Variants in ARHGAP8 observed in about 807,000 individuals in gnomAD.
ARHGAP8 encodes Rho GTPase activating protein 8.
Under a neutral mutation model 46.1 loss-of-function variants are expected in ARHGAP8, and 62 were observed. That is an observed-to-expected ratio of 1.34 (90% CI 1.10 to 1.66). The LOEUF (loss-of-function observed/expected upper bound fraction) is 1.66. ARHGAP8 is among the 40% of genes most tolerant of loss of function. The pLI is 0.00. For synonymous variants in ARHGAP8, 375 were observed against 243.1 expected, an observed-to-expected ratio of 1.54 and a Z score of -5.05; for missense variants, 923 against 568.4, an observed-to-expected ratio of 1.62 and a Z score of -6.34.
chr22:44,783,054 CCCCT>C (rs1056592895), intron 1 of ARHGAP8, among the ~76,000 whole-genome samples: 4 of 150,784 alleles, frequency 2.7e-5, no homozygotes, highest in African/African-American at 7.3e-5. Context: ...TACACACGCT[CCCCT>C]CCCTCCCTCC....
intron 7 of ARHGAP8, among the ~76,000 whole-genome samples, chr22:44,843,270 A>G (rs566652949): frequency 6.6e-5 from 10 of 152,286 alleles, no homozygotes; most frequent in African/African-American, 2.4e-4. Flanking sequence ...AGATAAACCA[A>G]AGCTGAGAGA....
chr22:44,776,672 G>A (rs1466640399), intron 1 of ARHGAP8, among the ~76,000 whole-genome samples: 1 of 152,090 alleles, frequency 6.6e-6, no homozygotes, highest in African/African-American at 2.4e-5. Context: ...AGTTACTGAG[G>A]CTTCACTTGC....
intron 2 of ARHGAP8, among the ~76,000 whole-genome samples, chr22:44,795,963 C>T (rs1177723171): frequency 6.6e-6 from 1 of 152,192 alleles, no homozygotes; most frequent in African/African-American, 2.4e-5. Flanking sequence ...CCTGGGATCC[C>T]TACTCCTTTC....
chr22:44,861,873 C>T (rs1018677970), intron 11 of ARHGAP8, among the ~76,000 whole-genome samples: 3 of 152,192 alleles, frequency 2.0e-5, no homozygotes, highest in Non-Finnish European at 2.9e-5. Context: ...GTAGTGGCCC[C>T]TAGATGTGCT....
intron 2 of ARHGAP8, among the ~76,000 whole-genome samples, chr22:44,787,553 C>T (rs1275011926): frequency 6.6e-6 from 1 of 152,134 alleles, no homozygotes; most frequent in Admixed American, 6.5e-5. Context: ...CCATTTTGGT[C>T]AGGCTGGTCT....
intron 2 of ARHGAP8, among the ~76,000 whole-genome samples, chr22:44,787,048 AAAAG>A (rs1340256732): frequency 1.5e-3 from 119 of 80,730 alleles, no homozygotes; most frequent in African/African-American, 4.1e-3. Context: ...AAAAAAAAAA[AAAAG>A]AAAGAAGTAA....
chr22:44,773,643 C>T lies in ARHGAP8; in HGVS notation c.-71-12814C>T, dbSNP rs372640290. ...TGTTGCCCAGGCTGGGATGCAATGA[C>T]ATGATCTTGGCTCACTGCATCCTCC... On this transcript the variant is annotated intron_variant, in intron 1 of 11. Transcript: ENST00000356099. 1.1e-4 allele frequency among the ~76,000 whole-genome samples: 17 copies of T among 152,292 alleles called. No homozygotes were observed. In the East Asian group the frequency reaches 1.9e-3, roughly 17 times the overall value.
Position 44,862,370 on chromosome 22 carries a change from C to T in ARHGAP8, c.1077C>T (p.Ser359=), listed in dbSNP as rs911018031. ...TCTGGCCATCCCAGGGGGTCTCCTCCCTGAGTGCCCTTGTGCCCCTGAACA... is the reference window on the plus strand; with the variant it reads ...TCTGGCCATCCCAGGGGGTCTCCTCTCTGAGTGCCCTTGTGCCCCTGAACA... ...NLIWPSQGVS[S]LSALVPLNMF... The change falls in exon 12 of 12, where the codon TCC becomes TCT. Residue 359 remains serine, a synonymous_variant. Coordinates refer to ENST00000356099, the MANE Select transcript of ARHGAP8 (RefSeq NM_181335.3). 6.2e-7 allele frequency: 1 copy of T among 1,614,126 alleles called. No individual in the cohort carries two copies.
intron 8 of ARHGAP8, among the ~76,000 whole-genome samples, chr22:44,847,572 C>T (rs2069988420): frequency 6.6e-6 from 1 of 152,236 alleles, no homozygotes. Flanking sequence ...AGTCACGTGT[C>T]TGGACGTCTC....
intron 4 of ARHGAP8, 30 bp downstream of exon 4, chr22:44,808,468 G>A: frequency 6.2e-7 from 1 of 1,611,102 alleles, no homozygotes. Flanking sequence ...CAGGGACGTG[G>A]GTGTGGGCTG....
At chr22:44,806,482 G>A (rs1459579822) in intron 3 of ARHGAP8, among the ~76,000 whole-genome samples, 1 of 152,176 alleles carries the variant, frequency 6.6e-6, no homozygotes, top group Non-Finnish European at 1.5e-5. Flanking sequence ...CAGGCCACTT[G>A]GTTCAAAGCC....
intron 4 of ARHGAP8, chr22:44,808,838 G>C (rs557180920): frequency 2.7e-6 from 1 of 369,046 alleles, no homozygotes; most frequent in South Asian, 2.1e-5. Context: ...AACAAAAACA[G>C]AGACAGTCTC....
rs1339346056 is a variant in ARHGAP8 at position 44,790,699 on chromosome 22, AGAG to A, written c.79+4094_79+4096del. Reference sequence around the variant, plus strand: ...CTCAAAAAAAAAAAAAAAAAAAAAAAGAGAAGGGGGAGCCCTGGGAAAGAACCT... The same window carrying A: ...CTCAAAAAAAAAAAAAAAAAAAAAAAAAGGGGGAGCCCTGGGAAAGAACCT... On this transcript the variant is annotated intron_variant, in intron 2 of 11. Coordinates refer to ENST00000356099, the MANE Select transcript of ARHGAP8 (RefSeq NM_181335.3). 1.1e-4 allele frequency among the ~76,000 whole-genome samples: 15 copies of A among 142,010 alleles called. 1 individual carries two copies. Among genetic ancestry groups the A allele is most frequent in the African/African-American group, 3.4e-4 (13 of 38,376 alleles). 93.2% of individuals were successfully genotyped at this position (142,010 alleles called of 152,430 possible).
chr22:44,858,551 T>TTTTTTC (rs397964298), intron 10 of ARHGAP8, among the ~76,000 whole-genome samples: 6 of 117,912 alleles, frequency 5.1e-5, no homozygotes, highest in African/African-American at 2.1e-4. Context: ...TTTTTTTTTT[T>TTTTTTC]AAGTAACAGG....
intron 2 of ARHGAP8, among the ~76,000 whole-genome samples, chr22:44,789,148 T>A (rs953589783): frequency 2.6e-5 from 4 of 152,150 alleles, no homozygotes; most frequent in Non-Finnish European, 4.4e-5. Flanking sequence ...TTTTTTTGTT[T>A]GTTTGTTTTT....
At chr22:44,855,698 C>G (rs1179029747) in intron 10 of ARHGAP8, among the ~76,000 whole-genome samples, 2 of 152,006 alleles carry the variant, frequency 1.3e-5, no homozygotes, top group Non-Finnish European at 2.9e-5. Flanking sequence ...CTTTTTGTGG[C>G]CATGGATACA....
At chr22:44,839,704 C>T (rs1227803551) in intron 7 of ARHGAP8, among the ~76,000 whole-genome samples, 3 of 152,184 alleles carry the variant, frequency 2.0e-5, no homozygotes, top group East Asian at 3.8e-4. Context: ...ACGATACACA[C>T]GTGGAGGAAA....
intron 8 of ARHGAP8, 147 bp downstream of exon 8, chr22:44,845,489 T>A: frequency 9.1e-7 from 1 of 1,096,756 alleles, no homozygotes; most frequent in Non-Finnish European, 1.3e-6. Context: ...AGGTCTGGGC[T>A]CTGGCCTCGG....
In ARHGAP8 at chr22:44,807,897, G is replaced by C. The variant is rs146907159; in HGVS notation, c.168-410G>C. Among the ~76,000 whole-genome samples, 671 of 152,236 alleles carry C rather than the reference G, an allele frequency of 4.4e-3. 9 individuals carry two copies. The highest frequency in any genetic ancestry group is 0.016 in the African/African-American group (647 of 41,548). On this transcript the variant is annotated intron_variant, in intron 3 of 11. Coordinates refer to ENST00000356099, the MANE Select transcript of ARHGAP8 (RefSeq NM_181335.3). ...TTCCGCCCTCTGACTTCTCATCTTC[G>C]TGTCTGCCTTAGAAGGATGCATGTG... is the stretch of plus-strand genomic sequence containing the variant.
Sources: gnomAD v4.1 joint callset for allele counts (sites outside exome capture counted in the v4.1 genomes callset) on GRCh38, gnomAD v4.1.1 for gene constraint, MANE v1.5 for transcripts, NCBI Gene and HGNC (gene_info 2026-07-23, HGNC 2026-07-21) for gene names.